The following SLIT3 variants were observed in gnomAD, a reference collection of about 807,000 sequenced individuals.
The protein encoded by SLIT3 is slit guidance ligand 3.
In SLIT3, 68 loss-of-function variants were observed where a neutral mutation model predicts 184.0. The ratio of observed to expected loss-of-function variants is 0.37; its 90% CI spans 0.30 to 0.45. SLIT3 has a LOEUF of 0.45. Among genes scored for constraint, SLIT3 ranks in the 20% least tolerant of loss-of-function variants. SLIT3 has a pLI of 1.00. For synonymous variants in SLIT3, 831 were observed against 828.6 expected (o/e 1.00, Z -0.05); for missense variants, 1,707 against 2,026.0 (o/e 0.84, Z 3.02).
chr5:168,845,420 C>T (rs934164651), intron 5 of SLIT3, among the ~76,000 whole-genome samples: 37 of 152,074 alleles, frequency 2.4e-4, no homozygotes, highest in African/African-American at 8.7e-4. Context: ...GAAGGAATAT[C>T]GTTATTGCCT....
intron 26 of SLIT3, among the ~76,000 whole-genome samples, chr5:168,703,145 C>T (rs1762266265): frequency 1.3e-5 from 2 of 152,124 alleles, no homozygotes; most frequent in Admixed American, 1.3e-4. Context: ...ATTCAATTCT[C>T]TTCAGCCTCA....
chr5:168,776,595 C>T (rs537735047), intron 12 of SLIT3, among the ~76,000 whole-genome samples: 2 of 152,260 alleles, frequency 1.3e-5, no homozygotes, highest in East Asian at 1.9e-4. Flanking sequence ...CTCTAGAGGG[C>T]TCAGTTTCTT....
intron 3 of SLIT3, among the ~76,000 whole-genome samples, chr5:169,219,312 G>A (rs1764546200): frequency 6.6e-6 from 1 of 152,230 alleles, no homozygotes; most frequent in South Asian, 2.1e-4. Flanking sequence ...TTCTGCCAGT[G>A]CTATAAGTAC....
intron 4 of SLIT3, among the ~76,000 whole-genome samples, chr5:168,969,734 G>A (rs1754498781): frequency 6.6e-6 from 1 of 152,218 alleles, no homozygotes; most frequent in African/African-American, 2.4e-5. Context: ...CCATGAACTT[G>A]CTTTCTTCCC....
chr5:169,225,724 G>A (rs1764784306), intron 3 of SLIT3, among the ~76,000 whole-genome samples: 3 of 152,186 alleles, frequency 2.0e-5, no homozygotes, highest in Non-Finnish European at 4.4e-5. Context: ...GGGGTGGGCG[G>A]CAGGGGGTGA....
At chr5:169,094,169 ATTC>A (rs1221730291) in intron 4 of SLIT3, among the ~76,000 whole-genome samples, 1 of 152,230 alleles carries the variant, frequency 6.6e-6, no homozygotes, top group Admixed American at 6.5e-5. Context: ...TGCACCCTGT[ATTC>A]TTTTTGTTAA....
chr5:169,024,796 AAG>A (rs1756749371), intron 4 of SLIT3: 2 of 152,196 alleles, frequency 1.3e-5, no homozygotes, highest in East Asian at 3.9e-4. Context: ...TGATGCAAGA[AAG>A]AGACAAAATA....
At chr5:169,021,939 T>C (rs529245915) in intron 4 of SLIT3, among the ~76,000 whole-genome samples, 3 of 145,936 alleles carry the variant, frequency 2.1e-5, no homozygotes, top group Middle Eastern at 3.4e-3. Flanking sequence ...GCTACTGTAA[T>C]GGAAGTACAC....
intron 4 of SLIT3, among the ~76,000 whole-genome samples, chr5:169,122,401 T>C (rs1760914732): frequency 6.6e-6 from 1 of 152,208 alleles, no homozygotes; most frequent in Admixed American, 6.5e-5. Context: ...GCCTTTCACA[T>C]GTGCATCAAG....
At position 168,875,817 on chromosome 5, in the gene SLIT3, C is replaced by A. The variant is rs577554889; in HGVS notation, c.485+7448G>T. Among the ~76,000 whole-genome samples, 5 of 151,920 alleles carry A rather than the reference C, an allele frequency of 3.3e-5. No individual in the cohort carries two copies. In the South Asian group the frequency reaches 1.0e-3, roughly 32 times the overall value. The stretch of plus-strand genomic sequence containing the variant: ...AGGGAAAGAGAAGGGTGGAGGGAGG[C>A]AGGCAGGAAGGTAGACATGACCCCT... On this transcript the variant is annotated intron_variant, in intron 5 of 35. Transcript: ENST00000519560.
intron 4 of SLIT3, among the ~76,000 whole-genome samples, chr5:169,101,130 G>A (rs1370203258): frequency 6.6e-6 from 1 of 152,132 alleles, no homozygotes; most frequent in Non-Finnish European, 1.5e-5. Context: ...CCACTTTGAT[G>A]GTCTTAGGGA....
intron 4 of SLIT3, among the ~76,000 whole-genome samples, chr5:169,053,789 C>T (rs972467639): frequency 1.3e-5 from 2 of 151,894 alleles, no homozygotes; most frequent in East Asian, 3.9e-4. Flanking sequence ...GTGAATGTGA[C>T]CTTATTTCAA....
intron 14 of SLIT3, among the ~76,000 whole-genome samples, chr5:168,763,875 G>A (rs1195326344): frequency 6.6e-6 from 1 of 152,228 alleles, no homozygotes; most frequent in Non-Finnish European, 1.5e-5. Flanking sequence ...ATGAGCACCT[G>A]AGTGTCCTGT....
intron 4 of SLIT3, among the ~76,000 whole-genome samples, chr5:168,889,456 G>A (rs1356127372): frequency 3.3e-5 from 5 of 152,174 alleles, no homozygotes; most frequent in Admixed American, 6.5e-5. Flanking sequence ...ACAAAAAAAC[G>A]CCAATTATTT....
intron 1 of SLIT3, among the ~76,000 whole-genome samples, chr5:169,283,781 G>A (rs1382350826): frequency 1.3e-5 from 2 of 152,126 alleles, no homozygotes; most frequent in Non-Finnish European, 2.9e-5. Flanking sequence ...CCGGAGAAGT[G>A]GCCACTGAAT....
At chr5:168,951,019 GA>G (rs764215455) in intron 4 of SLIT3, among the ~76,000 whole-genome samples, 1 of 152,182 alleles carries the variant, frequency 6.6e-6, no homozygotes, top group African/African-American at 2.4e-5. Flanking sequence ...TCAGGAGTTG[GA>G]GACCAGCCTG....
In SLIT3 at chr5:169,056,508, T is replaced by C. The variant is rs78829482; in HGVS notation, c.413+136971A>G. Among the ~76,000 whole-genome samples, 390 of 152,278 alleles carry C rather than the reference T, an allele frequency of 2.6e-3. 2 individuals carry two copies. The highest frequency in any genetic ancestry group is 4.2e-3 in the Non-Finnish European group (284 of 68,028). ...ACTGTTGAGTGATTTTGACACCACATTGCCATCGATAGGTTTGACTTACAA... is the reference window on the plus strand; with the variant it reads ...ACTGTTGAGTGATTTTGACACCACACTGCCATCGATAGGTTTGACTTACAA... On this transcript the variant is annotated intron_variant, in intron 4 of 35. Transcript: ENST00000519560.
At chr5:169,222,390 G>A (rs1294705582) in intron 3 of SLIT3, among the ~76,000 whole-genome samples, 1 of 152,126 alleles carries the variant, frequency 6.6e-6, no homozygotes, top group East Asian at 1.9e-4. Context: ...GAAGTCAATA[G>A]ACTCCATTGT....
chr5:169,001,181 A>T (rs1755691382), intron 4 of SLIT3, among the ~76,000 whole-genome samples: 1 of 152,222 alleles, frequency 6.6e-6, no homozygotes. Flanking sequence ...ATGAAAAAAA[A>T]TTCTCAGCCA....
Sources: gnomAD v4.1 joint callset for allele counts (sites outside exome capture counted in the v4.1 genomes callset) on GRCh38, gnomAD v4.1.1 for gene constraint, MANE v1.5 for transcripts, NCBI Gene and HGNC (gene_info 2026-07-23, HGNC 2026-07-21) for gene names.